The following WWOX variants were observed in gnomAD, a reference collection of about 807,000 sequenced individuals.
The protein encoded by WWOX is WW domain containing oxidoreductase, also known as WW domain-containing oxidoreductase.
WWOX carries 69 observed loss-of-function variants against 46.2 expected under a neutral mutation model. The ratio of observed to expected loss-of-function variants is 1.49; its 90% confidence interval spans 1.23 to 1.82. The LOEUF (loss-of-function observed/expected upper bound fraction) is 1.82, where lower values mean the gene tolerates loss of function less well. Ranked by LOEUF, WWOX falls within the 40% of genes most tolerant of loss-of-function variation. The probability of loss-of-function intolerance (pLI) is 0.00; values close to 1 mark genes in which losing one functional copy is unlikely to be tolerated. For missense variants in WWOX, 919 were observed against 542.6 expected, an observed-to-expected ratio of 1.69 and a Z score of -6.89; for synonymous variants, 359 against 202.6, an observed-to-expected ratio of 1.77 and a Z score of -6.56.
At chr16:78,980,715 G>T (rs1056924813) in intron 8 of WWOX, among the ~76,000 whole-genome samples, 3 of 152,152 alleles carry the variant, frequency 2.0e-5, no homozygotes, top group African/African-American at 7.2e-5. Context: ...ACCCGGATCA[G>T]CTCCATTCTC....
intron 5 of WWOX, among the ~76,000 whole-genome samples, chr16:78,363,351 C>G (rs1248581881): frequency 2.0e-5 from 3 of 151,774 alleles, no homozygotes; most frequent in African/African-American, 7.3e-5. Flanking sequence ...ACAGCCCACT[C>G]CAGCCCCAAA....
At chr16:78,400,661 G>C (rs964902990) in intron 6 of WWOX, among the ~76,000 whole-genome samples, 6 of 152,168 alleles carry the variant, frequency 3.9e-5, no homozygotes, top group African/African-American at 1.4e-4. Context: ...GAAGCAGGTA[G>C]AAAGGGAACA....
chr16:78,965,249 G>A (rs562033700), intron 8 of WWOX, among the ~76,000 whole-genome samples: 1 of 152,172 alleles, frequency 6.6e-6, no homozygotes, highest in Admixed American at 6.5e-5. Flanking sequence ...AGATAGTATT[G>A]ATGGTTGAAC....
chr16:78,666,155 T>C (rs1221982093), intron 8 of WWOX, among the ~76,000 whole-genome samples: 4 of 152,038 alleles, frequency 2.6e-5, no homozygotes, highest in Admixed American at 2.6e-4. Context: ...AGTGTGGTGG[T>C]GTGCCACAGT....
intron 8 of WWOX, among the ~76,000 whole-genome samples, chr16:78,817,615 A>G (rs1193279205): frequency 6.6e-6 from 1 of 152,158 alleles, no homozygotes; most frequent in Non-Finnish European, 1.5e-5. Context: ...TATGTCAACA[A>G]GTAGTTCAAG....
chr16:78,255,543 T>A (rs1438628034), intron 5 of WWOX, among the ~76,000 whole-genome samples: 2 of 152,196 alleles, frequency 1.3e-5, no homozygotes, highest in African/African-American at 4.8e-5. Flanking sequence ...TTTTTCTCTC[T>A]TGGCACTATA....
chr16:78,957,523 G>A (rs958415007), intron 8 of WWOX, among the ~76,000 whole-genome samples: 1 of 152,194 alleles, frequency 6.6e-6, no homozygotes, highest in Admixed American at 6.5e-5. Flanking sequence ...TGGGAACTGA[G>A]AATGTCTACT....
chr16:78,625,271 C>A (rs192607274), intron 8 of WWOX, among the ~76,000 whole-genome samples: 1 of 152,170 alleles, frequency 6.6e-6, no homozygotes, highest in Non-Finnish European at 1.5e-5. Context: ...CTCAGTCCCT[C>A]TGTGGTTCCC....
Position 79,097,527 on chromosome 16 carries a change from A to T in WWOX, c.1057-114081A>T, listed in dbSNP as rs560775980. Among the ~76,000 whole-genome samples, 38 of 152,286 alleles carry T rather than the reference A, an allele frequency of 2.5e-4. No individual in the cohort carries two copies. In the South Asian group the frequency reaches 7.7e-3, roughly 31 times the overall value. ...ACCGCAGCGCTATCATATGCTCCACATGCTTTCTAATGTCTTTTGTTTGTA... is the reference window on the plus strand; with the variant it reads ...ACCGCAGCGCTATCATATGCTCCACTTGCTTTCTAATGTCTTTTGTTTGTA... On this transcript the variant is annotated intron_variant, in intron 8 of 8. Coordinates refer to ENST00000566780, the MANE Select transcript of WWOX (RefSeq NM_016373.4).
At chr16:78,422,457 A>T (rs554132617) in intron 6 of WWOX, among the ~76,000 whole-genome samples, 1 of 150,364 alleles carries the variant, frequency 6.7e-6, no homozygotes, top group African/African-American at 2.4e-5. Context: ...TAATCCTCCT[A>T]TCTCAGCCTC....
intron 8 of WWOX, among the ~76,000 whole-genome samples, chr16:78,880,356 A>G (rs911585346): frequency 2.0e-5 from 3 of 152,186 alleles, no homozygotes; most frequent in African/African-American, 7.2e-5. Flanking sequence ...TGCTTTTAGC[A>G]TCCTGTTTTC....
At chr16:78,821,765 A>G (rs1268442214) in intron 8 of WWOX, among the ~76,000 whole-genome samples, 1 of 152,234 alleles carries the variant, frequency 6.6e-6, no homozygotes, top group African/African-American at 2.4e-5. Context: ...GAGAAAATGC[A>G]AAGTAACCTA....
intron 5 of WWOX, chr16:78,281,096 T>G (rs2079670824): frequency 6.6e-6 from 1 of 152,128 alleles, no homozygotes; most frequent in Non-Finnish European, 1.5e-5. Context: ...TAGAGTGATG[T>G]GAAAAAAATA....
At chr16:78,973,981 C>G (rs2046522648) in intron 8 of WWOX, among the ~76,000 whole-genome samples, 1 of 152,176 alleles carries the variant, frequency 6.6e-6, no homozygotes, top group South Asian at 2.1e-4. Context: ...GATTTTATTA[C>G]TAGTCAGCTT....
rs199768123 is a variant in WWOX at position 78,491,572 on chromosome 16, C to T, written c.1056+58820C>T. ...CCGCCTCCCAGGTTCAAGTGATCCTCCTACCTCAGCCTCCTGAGTAGCTGG... is the reference window on the plus strand; with the variant it reads ...CCGCCTCCCAGGTTCAAGTGATCCTTCTACCTCAGCCTCCTGAGTAGCTGG... On this transcript the variant is annotated intron_variant, in intron 8 of 8. Transcript: ENST00000566780. Among the ~76,000 whole-genome samples the T allele has an allele frequency of 3.9e-5, 6 of 152,270 alleles. No homozygotes were observed. In the East Asian group the frequency reaches 1.2e-3, roughly 29 times the overall value.
chr16:78,184,795 G>A (rs980382103), intron 5 of WWOX, among the ~76,000 whole-genome samples: 1 of 152,164 alleles, frequency 6.6e-6, no homozygotes, highest in Non-Finnish European at 1.5e-5. Context: ...GAGATGTCTG[G>A]GAAAGAATCG....
chr16:79,096,024 T>G (rs1386054481), intron 8 of WWOX, among the ~76,000 whole-genome samples: 6 of 144,584 alleles, frequency 4.1e-5, no homozygotes, highest in African/African-American at 1.5e-4. Flanking sequence ...TAATTTTTTT[T>G]TTTTTTTTTT....
intron 2 of WWOX, 31 bp from the exon 3 acceptor site, chr16:78,109,747 C>T (rs763494038): frequency 2.5e-6 from 4 of 1,613,084 alleles, no homozygotes; most frequent in Non-Finnish European, 2.5e-6. Flanking sequence ...TTCTCCCTGG[C>T]ACCTGTAGAC....
At chr16:78,741,088 A>G (rs549187939) in intron 8 of WWOX, among the ~76,000 whole-genome samples, 61 of 152,194 alleles carry the variant, frequency 4.0e-4, no homozygotes, top group African/African-American at 1.4e-3. Flanking sequence ...ATAAATTTTT[A>G]CTGAAACACA....
Sources: gnomAD v4.1 joint callset for allele counts (sites outside exome capture counted in the v4.1 genomes callset) on GRCh38, gnomAD v4.1.1 for gene constraint, MANE v1.5 for transcripts, NCBI Gene and HGNC (gene_info 2026-07-23, HGNC 2026-07-21) for gene names.